The following SHANK2 variants were observed in gnomAD, a reference collection of about 807,000 sequenced individuals.
SHANK2 encodes SH3 and multiple ankyrin repeat domains 2, also known as SH3 and multiple ankyrin repeat domains protein 2.
A neutral mutation model predicts 133.7 loss-of-function variants in SHANK2; 43 were observed. The ratio of observed to expected loss-of-function variants is 0.32; its 90% CI spans 0.25 to 0.41. The LOEUF (loss-of-function observed/expected upper bound fraction) is 0.41, where lower values mean the gene tolerates loss of function less well. Among genes scored for constraint, SHANK2 ranks in the 10% least tolerant of loss-of-function variants. The pLI is 1.00. For synonymous variants in SHANK2, 1,017 were observed against 952.8 expected (o/e 1.07, Z -1.24); for missense variants, 1,994 against 2,235.8 (o/e 0.89, Z 2.18).
intron 2 of SHANK2, among the ~76,000 whole-genome samples, chr11:71,220,278 G>A (rs3020019): frequency 0.52 from 78,996 of 152,028 alleles, 23,408 homozygotes; most frequent in African/African-American, 0.82. Context: ...AACAAAATAC[G>A]AGTGTTGGCA....
chr11:71,059,542 G>A (rs964693775), intron 9 of SHANK2, among the ~76,000 whole-genome samples: 84 of 152,318 alleles, frequency 5.5e-4, no homozygotes, highest in African/African-American at 1.8e-3. Flanking sequence ...ACAGCAGGAA[G>A]GCAGGCCACC....
intron 25 of SHANK2, among the ~76,000 whole-genome samples, chr11:70,476,395 A>ACC (rs35397909): frequency 2.0e-5 from 3 of 151,720 alleles, no homozygotes; most frequent in South Asian, 2.1e-4. Context: ...AAAACCTGCA[A>ACC]CCCCCCCTTC....
chr11:70,948,291 G>A (rs1555085836), intron 10 of SHANK2: 1 of 457,094 alleles, frequency 2.2e-6, no homozygotes, highest in Non-Finnish European at 4.4e-6. Context: ...CTGCTTACTT[G>A]TTAATTATCT....
intron 17 of SHANK2, among the ~76,000 whole-genome samples, chr11:70,576,058 C>T (rs1182109779): frequency 6.6e-6 from 1 of 152,078 alleles, no homozygotes; most frequent in Non-Finnish European, 1.5e-5. Context: ...CCCCCCTCTC[C>T]CCACAAGGAG....
chr11:71,187,426 A>C (rs1428368146), intron 2 of SHANK2, among the ~76,000 whole-genome samples: 1 of 151,550 alleles, frequency 6.6e-6, no homozygotes, highest in Admixed American at 6.6e-5. Flanking sequence ...TTATTCAGGG[A>C]CAGTTCTTCA....
At chr11:70,781,358 C>T (rs1947482501) in intron 14 of SHANK2, among the ~76,000 whole-genome samples, 1 of 151,206 alleles carries the variant, frequency 6.6e-6, no homozygotes, top group Admixed American at 6.6e-5. Context: ...TCAGGACCCT[C>T]AGAGCCCCAT....
At position 70,488,496 on chromosome 11, in the gene SHANK2, C is replaced by T. The variant is rs545208897; in HGVS notation, c.2573-776G>A. ...CCCCACTAAGGGTTCTATGTGTCCTCGAGCTCTCTGGACCTTCAGAGAGAT... is the reference window on the plus strand; with the variant it reads ...CCCCACTAAGGGTTCTATGTGTCCTTGAGCTCTCTGGACCTTCAGAGAGAT... On this transcript the variant is annotated intron_variant, in intron 24 of 25. Coordinates refer to ENST00000601538, the MANE Select transcript of SHANK2 (RefSeq NM_012309.5). 2.6e-4 allele frequency among the ~76,000 whole-genome samples: 39 copies of T among 152,300 alleles called. No individual in the cohort carries two copies. In the South Asian group the frequency reaches 6.6e-3, roughly 26 times the overall value.
chr11:70,624,406 C>A (rs4980546), intron 17 of SHANK2, among the ~76,000 whole-genome samples: 33,902 of 151,828 alleles, frequency 0.22, 3,946 homozygotes, highest in South Asian at 0.33. Context: ...GTGTTGGACA[C>A]ACTGCACCCC....
At chr11:70,741,205 A>G (rs1424393549) in intron 14 of SHANK2, among the ~76,000 whole-genome samples, 1 of 151,360 alleles carries the variant, frequency 6.6e-6, no homozygotes, top group Non-Finnish European at 1.5e-5. Context: ...CCACCCATCT[A>G]TCCAAACATT....
At chr11:71,122,785 G>A (rs1565463888) in intron 3 of SHANK2, among the ~76,000 whole-genome samples, 1 of 152,140 alleles carries the variant, frequency 6.6e-6, no homozygotes, top group East Asian at 1.9e-4. Context: ...CAGAAGCTGG[G>A]GTAGAGGTAG....
At position 70,483,536 on chromosome 11, in the gene SHANK2, C is replaced by CAA. The variant is rs10590898; in HGVS notation, c.4979+1776_4979+1777dup. Among the ~76,000 whole-genome samples, 419 of 44,544 alleles carry CAA rather than the reference C, an allele frequency of 9.4e-3. 11 individuals carry two copies. The highest frequency in any genetic ancestry group is 0.035 in the African/African-American group (404 of 11,556). The allele number at this position is 44,544 out of a possible 152,430, so 29.2% of individuals were successfully genotyped here. A position where few individuals can be genotyped will look rare whatever the true frequency, so the allele number is the denominator to read the frequency against. On this transcript the variant is annotated intron_variant, in intron 25 of 25. Coordinates refer to ENST00000601538, the MANE Select transcript of SHANK2 (RefSeq NM_012309.5). ...ACACATGGTGAGACCTCATCTCTAC[C>CAA]AAAAAAAAAAAAAAAAAAAAAAAAA...
At position 70,836,245 on chromosome 11, in the gene SHANK2, CA is replaced by C. The variant is rs782137439; in HGVS notation, c.1175-15564del. Among the ~76,000 whole-genome samples the C allele has an allele frequency of 3.3e-5, 5 of 152,372 alleles. No individual in the cohort carries two copies. In the East Asian group the frequency reaches 7.7e-4, roughly 24 times the overall value. On this transcript the variant is annotated intron_variant, in intron 11 of 25. Transcript: ENST00000601538. The stretch of plus-strand genomic sequence containing the variant: ...AGCATGGCCCCTTAGCCCTGATTCT[CA>C]GGCCGGCTCCACACAGCTGCCACTG...
At chr11:70,592,277 C>T (rs2136276159) in intron 17 of SHANK2, among the ~76,000 whole-genome samples, 1 of 152,270 alleles carries the variant, frequency 6.6e-6, no homozygotes, top group Admixed American at 6.5e-5. Context: ...CCCCAGGGGA[C>T]AGCCAGGGCA....
intron 11 of SHANK2, among the ~76,000 whole-genome samples, chr11:70,890,032 C>T (rs1451900823): frequency 2.0e-5 from 3 of 152,148 alleles, no homozygotes; most frequent in African/African-American, 7.2e-5. Flanking sequence ...CTCACTCCAC[C>T]TAGGAAGGGT....
intron 14 of SHANK2, chr11:70,705,201 A>G (rs1340865485): frequency 2.6e-5 from 4 of 152,074 alleles, no homozygotes; most frequent in Non-Finnish European, 5.9e-5. Context: ...GGGAATGGAG[A>G]AGGAACAAAC....
intron 17 of SHANK2, among the ~76,000 whole-genome samples, chr11:70,587,692 C>T (rs1396386082): frequency 3.5e-5 from 5 of 142,054 alleles, no homozygotes; most frequent in South Asian, 2.2e-4. Context: ...TTGTTGAGCA[C>T]GTCCAGTTTT....
intron 8 of SHANK2, among the ~76,000 whole-genome samples, chr11:71,085,901 AAT>A (rs1565441991): frequency 0.12 from 85 of 718 alleles, 3 homozygotes; most frequent in South Asian, 0.25. Flanking sequence ...TATATATATT[AAT>A]TATATATTAA....
At chr11:70,625,722 C>T (rs782263310) in intron 17 of SHANK2, among the ~76,000 whole-genome samples, 6 of 151,146 alleles carry the variant, frequency 4.0e-5, no homozygotes, top group East Asian at 2.0e-4. Flanking sequence ...CAGGCCCCTC[C>T]GCTCCCCAAG....
chr11:71,158,198 A>G (rs1393728501), intron 2 of SHANK2, among the ~76,000 whole-genome samples: 3 of 152,244 alleles, frequency 2.0e-5, no homozygotes, highest in African/African-American at 7.2e-5. Context: ...TTCTGTGAAT[A>G]GAAAATCCAA....
Sources: allele counts gnomAD v4.1 joint callset (sites outside exome capture counted in the v4.1 genomes callset), GRCh38; gene constraint gnomAD v4.1.1; transcripts MANE v1.5; gene names NCBI Gene and HGNC (gene_info 2026-07-23, HGNC 2026-07-21).